The following DSCAM variants were observed in gnomAD, a reference collection of about 807,000 sequenced individuals.
The protein encoded by DSCAM is DS cell adhesion molecule.
Under a neutral mutation model 217.7 loss-of-function variants are expected in DSCAM, and 47 were observed. The observed-to-expected ratio is 0.22, with a 90% confidence interval of 0.17 to 0.28. The LOEUF is 0.28. Among genes scored for constraint, DSCAM ranks in the 10% least tolerant of loss-of-function variants. DSCAM has a pLI of 1.00. For synonymous variants in DSCAM, 1,056 were observed against 1,015.3 expected, an observed-to-expected ratio of 1.04 and a Z score of -0.76; for missense variants, 2,080 against 2,618.3, an observed-to-expected ratio of 0.79 and a Z score of 4.49.
intron 20 of DSCAM, among the ~76,000 whole-genome samples, chr21:40,113,131 C>G (rs1281596989): frequency 6.6e-6 from 1 of 152,136 alleles, no homozygotes. Flanking sequence ...AATTTTAGAC[C>G]TATATCCCTG....
intron 1 of DSCAM, among the ~76,000 whole-genome samples, chr21:40,801,981 T>A (rs748525022): frequency 1.3e-5 from 2 of 152,114 alleles, no homozygotes; most frequent in African/African-American, 2.4e-5. Flanking sequence ...GGGTAATATC[T>A]AATGGAGCCA....
At chr21:40,669,585 TATA>T (rs1387782490) in intron 3 of DSCAM, among the ~76,000 whole-genome samples, 15 of 28,068 alleles carry the variant, frequency 5.3e-4, no homozygotes, top group South Asian at 1.4e-3. Flanking sequence ...AATGTTGTTA[TATA>T]TATTTTTTTT....
chr21:40,366,779 A>G (rs941168490), intron 4 of DSCAM, among the ~76,000 whole-genome samples: 2 of 152,182 alleles, frequency 1.3e-5, no homozygotes, highest in African/African-American at 4.8e-5. Flanking sequence ...ATTACCTTCA[A>G]GGACTCGACA....
chr21:40,423,743 C>T (rs1434388445), intron 3 of DSCAM, among the ~76,000 whole-genome samples: 2 of 152,148 alleles, frequency 1.3e-5, no homozygotes, highest in African/African-American at 4.8e-5. Flanking sequence ...CATATGGATT[C>T]GCTGCCGGTA....
chr21:40,438,721 C>T (rs1158058433), intron 3 of DSCAM, among the ~76,000 whole-genome samples: 1 of 152,138 alleles, frequency 6.6e-6, no homozygotes, highest in African/African-American at 2.4e-5. Context: ...TTTATTTTTG[C>T]TCTCCAAAAT....
chr21:40,674,734 G>T (rs2090317986), intron 3 of DSCAM, among the ~76,000 whole-genome samples: 1 of 147,776 alleles, frequency 6.8e-6, no homozygotes, highest in East Asian at 2.0e-4. Flanking sequence ...CCAGGTTCAT[G>T]GCATTCTCCT....
intron 20 of DSCAM, among the ~76,000 whole-genome samples, chr21:40,109,881 C>G (rs893141757): frequency 6.6e-6 from 1 of 152,178 alleles, no homozygotes; most frequent in Non-Finnish European, 1.5e-5. Flanking sequence ...GGGGCGCCCA[C>G]CATTGCGGAG....
chr21:40,240,022 T>C (rs1435762239), intron 11 of DSCAM, among the ~76,000 whole-genome samples: 1 of 152,164 alleles, frequency 6.6e-6, no homozygotes, highest in East Asian at 1.9e-4. Flanking sequence ...CAGACCTTCA[T>C]GTGCACACAA....
intron 3 of DSCAM, among the ~76,000 whole-genome samples, chr21:40,404,119 A>G (rs76750953): frequency 0.04 from 6,116 of 152,240 alleles, 239 homozygotes; most frequent in East Asian, 0.19. Context: ...CCTATAGCTT[A>G]CACTTTTCCT....
At chr21:40,456,945 G>A (rs1051256256) in intron 3 of DSCAM, among the ~76,000 whole-genome samples, 1 of 152,014 alleles carries the variant, frequency 6.6e-6, no homozygotes, top group African/African-American at 2.4e-5. Context: ...AATATCTGTG[G>A]AAATTACTGT....
chr21:40,018,383 T>C (rs1255815092), intron 32 of DSCAM, among the ~76,000 whole-genome samples: 2 of 152,200 alleles, frequency 1.3e-5, no homozygotes, highest in East Asian at 3.8e-4. Flanking sequence ...ATATTATTTT[T>C]ATCATGTTGT....
chr21:40,793,649 G>T (rs2091666334), intron 1 of DSCAM, among the ~76,000 whole-genome samples: 2 of 151,866 alleles, frequency 1.3e-5, no homozygotes, highest in Admixed American at 1.3e-4. Context: ...CGCCACCATG[G>T]CTGGCTAATT....
intron 3 of DSCAM, among the ~76,000 whole-genome samples, chr21:40,547,255 T>C (rs2076590844): frequency 6.6e-6 from 1 of 152,148 alleles, no homozygotes; most frequent in Non-Finnish European, 1.5e-5. Flanking sequence ...ACCACGGCCT[T>C]CCTTTCTTGC....
rs1196998773 is a variant in DSCAM at position 40,178,973 on chromosome 21, G to C, written c.2901C>G (p.Gly967=). 1 of 1,614,064 alleles carries C rather than the reference G, an allele frequency of 6.2e-7. No individual in the cohort carries two copies. Among genetic ancestry groups the C allele is most frequent in the Admixed American group, 1.7e-5 (1 of 60,012 alleles). The change falls in exon 15 of 33, where the codon GGC becomes GGG. Residue 967 remains glycine (G), a synonymous_variant. Coordinates refer to ENST00000400454, the MANE Select transcript of DSCAM (RefSeq NM_001389.5). ...SIRMYAKNRI[G]KSEPSNELTI... is the part of the protein sequence containing the mutation. Reference sequence around the variant, plus strand: ...TGAGCTCGTTGCTGGGCTCGCTCTTGCCAATCCGGTTCTTGGCGTACATGC... The same window carrying C: ...TGAGCTCGTTGCTGGGCTCGCTCTTCCCAATCCGGTTCTTGGCGTACATGC...
At chr21:40,291,443 C>T (rs541303709) in intron 10 of DSCAM, among the ~76,000 whole-genome samples, 1 of 152,218 alleles carries the variant, frequency 6.6e-6, no homozygotes, top group Non-Finnish European at 1.5e-5. Flanking sequence ...ACCCACTCCC[C>T]ACTTGGGCAG....
intron 10 of DSCAM, among the ~76,000 whole-genome samples, chr21:40,285,517 G>A (rs2073813791): frequency 6.6e-6 from 1 of 152,230 alleles, no homozygotes; most frequent in Non-Finnish European, 1.5e-5. Context: ...GGGCCACTGA[G>A]ATGCTGATTA....
intron 1 of DSCAM, among the ~76,000 whole-genome samples, chr21:40,837,135 A>G (rs1208989035): frequency 6.6e-6 from 1 of 152,192 alleles, no homozygotes; most frequent in Non-Finnish European, 1.5e-5. Flanking sequence ...ATCCTGATGT[A>G]AGGGTGGAGG....
chr21:40,085,220 C>CA (rs907482594), intron 23 of DSCAM, among the ~76,000 whole-genome samples: 2 of 152,188 alleles, frequency 1.3e-5, no homozygotes, highest in Admixed American at 6.5e-5. Context: ...AATTAGCATA[C>CA]AAAAAAGACC....
chr21:40,168,996 TA>T (rs2090626938), intron 15 of DSCAM, among the ~76,000 whole-genome samples: 1 of 152,168 alleles, frequency 6.6e-6, no homozygotes, highest in Non-Finnish European at 1.5e-5. Context: ...ATAATCATAA[TA>T]TAATTATCAT....
Sources: gnomAD v4.1 joint callset for allele counts (sites outside exome capture counted in the v4.1 genomes callset) on GRCh38, gnomAD v4.1.1 for gene constraint, MANE v1.5 for transcripts, NCBI Gene and HGNC (gene_info 2026-07-23, HGNC 2026-07-21) for gene names.